TMEM98: variants seen among roughly 807,000 people sequenced by gnomAD.
TMEM98 encodes transmembrane protein 98.
In TMEM98, 18 loss-of-function variants were observed where a neutral mutation model predicts 25.0. The observed-to-expected ratio is 0.72, with a 90% CI of 0.50 to 1.07. The LOEUF (loss-of-function observed/expected upper bound fraction) is 1.07, where lower values mean the gene tolerates loss of function less well. Among genes scored for constraint, TMEM98 ranks in the 50% least tolerant of loss-of-function variants. The pLI is 0.00. For synonymous variants in TMEM98, 103 were observed against 112.4 expected, an observed-to-expected ratio of 0.92 and a Z score of 0.53; for missense variants, 241 against 289.0, an observed-to-expected ratio of 0.83 and a Z score of 1.20.
In TMEM98 at chr17:32,942,162, C is replaced by T. The variant is rs1253011827; in HGVS notation, c.*1169C>T. ...GCAATGACTTGAACGATGTGTTCCC[C>T]CTTTCTTCTGATATTAATATCTGTT... On this transcript the variant is annotated 3_prime_UTR_variant, in exon 8 of 8. Coordinates refer to ENST00000579849, the MANE Select transcript of TMEM98 (RefSeq NM_015544.3). 1 of 152,164 alleles carries T rather than the reference C, an allele frequency of 6.6e-6. No homozygotes were observed. The allele number at this position is 152,164 out of a possible 1,614,324, so 9.4% of individuals were successfully genotyped here. A position where few individuals can be genotyped will look rare whatever the true frequency, so the allele number is the denominator to read the frequency against.
intron 6 of TMEM98, 28 bp downstream of exon 6, chr17:32,936,475 C>A (rs770218031): frequency 1.3e-6 from 2 of 1,594,266 alleles, no homozygotes; most frequent in Non-Finnish European, 1.7e-6. Context: ...TCGAGGTCCC[C>A]ACACTCCCTG....
chr17:32,940,051 T>C (rs1016542889), intron 7 of TMEM98, among the ~76,000 whole-genome samples: 1 of 152,222 alleles, frequency 6.6e-6, no homozygotes, highest in African/African-American at 2.4e-5. Context: ...TTAAGAAATA[T>C]AGATTCTTTC....
At chr17:32,933,695 C>A (rs2091481482) in intron 4 of TMEM98, among the ~76,000 whole-genome samples, 1 of 152,216 alleles carries the variant, frequency 6.6e-6, no homozygotes, top group Non-Finnish European at 1.5e-5. Context: ...TACTTCATTG[C>A]CTTATCCATT....
At position 32,940,819 on chromosome 17, in the gene TMEM98, G is replaced by A. The variant is rs543422869; in HGVS notation, c.507G>A (p.Leu169=). The A allele has an allele frequency of 6.2e-7, 1 of 1,614,158 alleles. No homozygotes were observed. The highest frequency in any genetic ancestry group is 2.2e-5 in the East Asian group (1 of 44,884). ...TTALLLSVSH[L]VLVTRNACHL... The stretch of plus-strand genomic sequence containing the variant: ...CCCTGCTCCTGTCTGTCAGTCACCT[G>A]GTGCTGGTGACAAGGAATGCCTGCC... Residue 169 remains leucine (L), a synonymous_variant, in exon 8 of 8, where the codon CTG becomes CTA. Coordinates refer to ENST00000579849, the MANE Select transcript of TMEM98 (RefSeq NM_015544.3).
chr17:32,936,281 C>A lies in TMEM98; in HGVS notation c.298-51C>A, dbSNP rs370821909. 1.9e-4 allele frequency: 281 copies of A among 1,484,630 alleles called. No individual in the cohort carries two copies. The African/African-American group carries it at 3.4e-3, about 18-fold the overall frequency. 92.0% of individuals were successfully genotyped at this position (1,484,630 alleles called of 1,614,324 possible). ...GATTTGTCTCGTGGGGGTGGCGAGGCCCTGAGTGGAGCCAGGTCAGCCCTC... is the reference window on the plus strand; with the variant it reads ...GATTTGTCTCGTGGGGGTGGCGAGGACCTGAGTGGAGCCAGGTCAGCCCTC... On this transcript the variant is annotated intron_variant, in intron 5 of 7. Coordinates refer to ENST00000579849, the MANE Select transcript of TMEM98 (RefSeq NM_015544.3).
rs758455067 is a variant in TMEM98 at position 32,936,316 on chromosome 17, C to T, written c.298-16C>T. The T allele has an allele frequency of 5.3e-5, 85 of 1,609,284 alleles. No individual in the cohort carries two copies. The highest frequency in any genetic ancestry group is 1.6e-4 in the Middle Eastern group (1 of 6,070). ...AGCCAGGTCAGCCCTCATCTCTCTCCTCCCTGCCGCATTAGATTTGTCACA... is the reference window on the plus strand; with the variant it reads ...AGCCAGGTCAGCCCTCATCTCTCTCTTCCCTGCCGCATTAGATTTGTCACA... On this transcript the variant is annotated splice_polypyrimidine_tract_variant and intron_variant, in intron 5 of 7. Transcript: ENST00000579849.
chr17:32,930,310 C>T (rs2091460551), intron 1 of TMEM98, among the ~76,000 whole-genome samples: 2 of 152,208 alleles, frequency 1.3e-5, no homozygotes, highest in Admixed American at 1.3e-4. Flanking sequence ...CAGTTCCTCT[C>T]TCCAGAGGCA....
chr17:32,934,146 C>A, intron 4 of TMEM98, 145 bp from the exon 5 acceptor site: 1 of 819,024 alleles, frequency 1.2e-6, no homozygotes, highest in South Asian at 1.6e-5. Flanking sequence ...TGGGCTGGTT[C>A]ATGTTGACAC....
intron 1 of TMEM98, among the ~76,000 whole-genome samples, chr17:32,928,931 C>G (rs1253169854): frequency 1.4e-5 from 2 of 145,804 alleles, no homozygotes; most frequent in African/African-American, 2.7e-5. Flanking sequence ...AGCTCACACA[C>G]AGAAGCACAC....
chr17:32,928,821 A>G, intron 1 of TMEM98, among the ~76,000 whole-genome samples: 1 of 146,150 alleles, frequency 6.8e-6, no homozygotes, highest in African/African-American at 2.8e-5. Context: ...AGAAGCACAC[A>G]AGATAAACAC....
At chr17:32,938,825 TTTTG>T (rs1461602419) in intron 6 of TMEM98, among the ~76,000 whole-genome samples, 1 of 152,254 alleles carries the variant, frequency 6.6e-6, no homozygotes, top group African/African-American at 2.4e-5. Context: ...ATTTCAGAGC[TTTTG>T]TTTATCTATT....
chr17:32,941,252 G>A lies in TMEM98; in HGVS notation c.*259G>A. 3.1e-6 allele frequency: 1 copy of A among 317,702 alleles called. No homozygotes were observed. The highest frequency in any genetic ancestry group is 8.5e-5 in the South Asian group (1 of 11,792). The allele number at this position is 317,702 out of a possible 1,614,324, so 19.7% of individuals were successfully genotyped here. ...TGCAAGAGGAGTATTGAAAACTGGT[G>A]GACTGTCAGCTTTATTTAGCTCACC... On this transcript the variant is annotated 3_prime_UTR_variant, in exon 8 of 8. Coordinates refer to ENST00000579849, the MANE Select transcript of TMEM98 (RefSeq NM_015544.3).
rs922208823 is a variant in TMEM98, at chr17:32,941,238, T to A, written c.*245T>A. On this transcript the variant is annotated 3_prime_UTR_variant, in exon 8 of 8. Transcript: ENST00000579849. The stretch of plus-strand genomic sequence containing the variant: ...TGCCATTCACTCTCTGCAAGAGGAG[T>A]ATTGAAAACTGGTGGACTGTCAGCT... 1.4e-5 allele frequency: 5 copies of A among 364,004 alleles called. No homozygotes were observed. In the Admixed American group the frequency reaches 2.1e-4, roughly 15 times the overall value. 22.5% of individuals were successfully genotyped at this position (364,004 alleles called of 1,614,324 possible).
intron 7 of TMEM98, 125 bp downstream of exon 7, chr17:32,939,661 C>T: frequency 8.8e-7 from 1 of 1,141,078 alleles, no homozygotes; most frequent in Non-Finnish European, 1.3e-6. Flanking sequence ...CTTAGGCTGC[C>T]CGGGCCATGC....
rs1251932164 is a variant in TMEM98, at chr17:32,942,323, C to G, written c.*1330C>G. 1 of 152,236 alleles carries G rather than the reference C, an allele frequency of 6.6e-6. No homozygotes were observed. The highest frequency in any genetic ancestry group is 6.5e-5 in the Admixed American group (1 of 15,288). 9.4% of individuals were successfully genotyped at this position (152,236 alleles called of 1,614,324 possible). Reference sequence around the variant, plus strand: ...TTGAATTCTTCACTTCTCAGATTCTCAGAGCCAGCTTGCTCTTGGGAGAGG... The same window carrying G: ...TTGAATTCTTCACTTCTCAGATTCTGAGAGCCAGCTTGCTCTTGGGAGAGG... On this transcript the variant is annotated 3_prime_UTR_variant, in exon 8 of 8. Transcript: ENST00000579849.
intron 6 of TMEM98, among the ~76,000 whole-genome samples, chr17:32,938,738 A>C (rs1018392945): frequency 1.3e-5 from 2 of 152,196 alleles, no homozygotes; most frequent in African/African-American, 2.4e-5. Context: ...ATGACCTGGA[A>C]AGTCTACTCC....
intron 1 of TMEM98, among the ~76,000 whole-genome samples, chr17:32,928,929 C>G (rs1472523289): frequency 1.4e-5 from 2 of 145,626 alleles, no homozygotes; most frequent in Non-Finnish European, 3.0e-5. Context: ...TCAGCTCACA[C>G]ACAGAAGCAC....
In TMEM98 at chr17:32,933,319, A is replaced by G. The variant is rs1261977127; in HGVS notation, c.263+14A>G. ...CGAAGATGCCTCGTAAGGCCATGGG[A>G]ACTGTTTGCTTCCGGGCTTCTGGCA... On this transcript the variant is annotated intron_variant, in intron 4 of 7. Transcript: ENST00000579849. 1 of 1,613,882 alleles carries G rather than the reference A, an allele frequency of 6.2e-7. No homozygotes were observed. The highest frequency in any genetic ancestry group is 1.3e-5 in the African/African-American group (1 of 75,016).
intron 1 of TMEM98, among the ~76,000 whole-genome samples, chr17:32,929,271 CACAA>C (rs761169828): frequency 2.0e-5 from 3 of 151,368 alleles, no homozygotes; most frequent in Admixed American, 6.6e-5. Context: ...CGCACACTAA[CACAA>C]ACACACACGG....
Sources: allele counts gnomAD v4.1 joint callset (sites outside exome capture counted in the v4.1 genomes callset), GRCh38; gene constraint gnomAD v4.1.1; transcripts MANE v1.5; gene names NCBI Gene and HGNC (gene_info 2026-07-23, HGNC 2026-07-21).